The following NRIP3 variants were observed in gnomAD, a reference collection of about 807,000 sequenced individuals.
NRIP3 encodes nuclear receptor-interacting protein 3.
NRIP3 carries 31 observed loss-of-function variants against 29.0 expected under a neutral mutation model. The ratio of observed to expected loss-of-function variants is 1.07; its 90% CI spans 0.80 to 1.44. NRIP3 has a LOEUF of 1.44. NRIP3 is among the 40% of genes most tolerant of loss of function. The probability of loss-of-function intolerance (pLI) is 0.00; values close to 1 mark genes in which losing one functional copy is unlikely to be tolerated. For missense variants in NRIP3, 314 were observed against 297.9 expected, an observed-to-expected ratio of 1.05 and a Z score of -0.40; for synonymous variants, 131 against 118.3, an observed-to-expected ratio of 1.11 and a Z score of -0.70.
chr11:8,995,419 G>T (rs2134923196), intron 1 of NRIP3, among the ~76,000 whole-genome samples: 1 of 152,228 alleles, frequency 6.6e-6, no homozygotes, highest in South Asian at 2.1e-4. Context: ...TTAACATATT[G>T]GGTTAATTCC....
chr11:8,992,964 A>AATCAAGACTCAAGAAAGTTATTTCC (rs1231936858), intron 1 of NRIP3, among the ~76,000 whole-genome samples: 1 of 152,274 alleles, frequency 6.6e-6, no homozygotes, highest in Non-Finnish European at 1.5e-5. Flanking sequence ...TCAAACTATC[A>AATCAAGACTCAAGAAAGTTATTTCC]ATCAAGACTC....
chr11:8,989,022 G>T (rs992857118), intron 1 of NRIP3, among the ~76,000 whole-genome samples: 1 of 152,148 alleles, frequency 6.6e-6, no homozygotes, highest in Non-Finnish European at 1.5e-5. Context: ...TCCCTTCAAT[G>T]GCCCAAAAAG....
At chr11:9,003,521 G>A (rs537552216) in intron 1 of NRIP3, among the ~76,000 whole-genome samples, 5 of 152,340 alleles carry the variant, frequency 3.3e-5, no homozygotes, top group South Asian at 2.1e-4. Context: ...TTCTACTGGA[G>A]AAGAGACATC....
rs1424512039 is a variant in NRIP3 at position 8,981,620 on chromosome 11, T to C, written c.*1925A>G. On this transcript the variant is annotated 3_prime_UTR_variant, in exon 7 of 7. Transcript: ENST00000309166. The stretch of plus-strand genomic sequence containing the variant: ...CCAGGATAAGAGGCAGGCCAAAGTA[T>C]TGCCATGAAAGGTAGGGAAGGAGCA... The C allele has an allele frequency of 6.6e-6, 1 of 152,282 alleles. No homozygotes were observed. Among genetic ancestry groups the C allele is most frequent in the Admixed American group, 6.5e-5 (1 of 15,280 alleles). The allele number at this position is 152,282 out of a possible 1,614,324, so 9.4% of individuals were successfully genotyped here.
intron 1 of NRIP3, among the ~76,000 whole-genome samples, chr11:8,996,495 G>A (rs1396727189): frequency 6.6e-6 from 1 of 151,866 alleles, no homozygotes; most frequent in Non-Finnish European, 1.5e-5. Context: ...TGGCCGGGCT[G>A]GTCTCAAACT....
chr11:9,000,760 C>T (rs1418516812), intron 1 of NRIP3, among the ~76,000 whole-genome samples: 1 of 144,784 alleles, frequency 6.9e-6, no homozygotes, highest in African/African-American at 2.6e-5. Context: ...TTTTCTCCAG[C>T]TTCACTGAGT....
Position 8,984,616 on chromosome 11 carries a change from A to G in NRIP3, c.563-492T>C, listed in dbSNP as rs76091944. 1.3e-3 allele frequency among the ~76,000 whole-genome samples: 204 copies of G among 152,316 alleles called. 1 individual carries two copies. The highest frequency in any genetic ancestry group is 1.9e-3 in the Admixed American group (29 of 15,300). ...TAGATCATTAAACTTACAAGGCAAT[A>G]GAGCCAAGATTCAAACCCAGGTCTT... On this transcript the variant is annotated intron_variant, in intron 4 of 6. Coordinates refer to ENST00000309166, the MANE Select transcript of NRIP3 (RefSeq NM_020645.3).
chr11:8,999,311 C>G (rs550438062), intron 1 of NRIP3, among the ~76,000 whole-genome samples: 4 of 152,230 alleles, frequency 2.6e-5, no homozygotes, highest in African/African-American at 4.8e-5. Context: ...CCTTCCTCCT[C>G]TCCTTCACAG....
intron 6 of NRIP3, 133 bp downstream of exon 6, chr11:8,983,741 GA>G: frequency 1.1e-6 from 1 of 902,650 alleles, no homozygotes; most frequent in Non-Finnish European, 1.8e-6. Flanking sequence ...TGGGTGTGGG[GA>G]AGGGTGGATT....
At chr11:9,004,036 G>C (rs1009138154), upstream of NRIP3, 3 of 1,185,852 alleles carry the variant, frequency 2.5e-6, no homozygotes, top group Non-Finnish European at 3.3e-6. Context: ...TTTTATAGCC[G>C]AGCGTGACGT....
chr11:8,997,035 G>A lies in NRIP3; in HGVS notation c.174+6727C>T, dbSNP rs926869598. 7.2e-5 allele frequency among the ~76,000 whole-genome samples: 11 copies of A among 152,172 alleles called. No individual in the cohort carries two copies. The South Asian group carries it at 8.3e-4, about 12-fold the overall frequency. ...CAAGGCTGCAGTGAGCTATGATCAC[G>A]ACACTGCACTTTAGCCTGGGTGACA... On this transcript the variant is annotated intron_variant, in intron 1 of 6. Transcript: ENST00000309166.
intron 1 of NRIP3, among the ~76,000 whole-genome samples, chr11:8,997,355 C>CAAAAAA (rs11324721): frequency 3.9e-4 from 39 of 100,816 alleles, no homozygotes; most frequent in Non-Finnish European, 5.5e-4. Flanking sequence ...GACTCCGTCT[C>CAAAAAA]AAAAAAAAAA....
chr11:8,992,653 G>A (rs1434001166), intron 1 of NRIP3, among the ~76,000 whole-genome samples: 1 of 152,200 alleles, frequency 6.6e-6, no homozygotes, highest in Non-Finnish European at 1.5e-5. Context: ...GCTCACGTCT[G>A]TAATCCCAGC....
At chr11:9,002,596 TAAAA>T (rs10701323) in intron 1 of NRIP3, among the ~76,000 whole-genome samples, 2 of 101,242 alleles carry the variant, frequency 2.0e-5, no homozygotes, top group African/African-American at 7.9e-5. Flanking sequence ...GCTGTTAAAT[TAAAA>T]AAAAAAAAAA....
At chr11:8,996,688 T>C (rs1854713163) in intron 1 of NRIP3, among the ~76,000 whole-genome samples, 1 of 152,244 alleles carries the variant, frequency 6.6e-6, no homozygotes, top group South Asian at 2.1e-4. Context: ...ATGACTGTTT[T>C]ATAAATATGG....
At chr11:8,989,090 T>C (rs1256403594) in intron 1 of NRIP3, among the ~76,000 whole-genome samples, 1 of 152,236 alleles carries the variant, frequency 6.6e-6, no homozygotes, top group African/African-American at 2.4e-5. Flanking sequence ...TTAGACCTTA[T>C]ATGCATGCCA....
intron 1 of NRIP3, among the ~76,000 whole-genome samples, chr11:8,992,677 G>A (rs1414104356): frequency 6.6e-6 from 1 of 152,136 alleles, no homozygotes; most frequent in Non-Finnish European, 1.5e-5. Flanking sequence ...TTGGGAGGCT[G>A]AGGTGGGCGG....
chr11:8,996,996 T>G (rs1675545496), intron 1 of NRIP3, among the ~76,000 whole-genome samples: 1 of 152,190 alleles, frequency 6.6e-6, no homozygotes, highest in Non-Finnish European at 1.5e-5. Flanking sequence ...GAGGATCACT[T>G]GAAGCCAGGA....
chr11:8,995,733 T>C (rs945783119), intron 1 of NRIP3, among the ~76,000 whole-genome samples: 1 of 152,236 alleles, frequency 6.6e-6, no homozygotes, highest in African/African-American at 2.4e-5. Context: ...AACCCTTCAA[T>C]GGCTTCCCAT....
Sources: gnomAD v4.1 joint callset for allele counts (sites outside exome capture counted in the v4.1 genomes callset) on GRCh38, gnomAD v4.1.1 for gene constraint, MANE v1.5 for transcripts, NCBI Gene and HGNC (gene_info 2026-07-23, HGNC 2026-07-21) for gene names.